PDE1A: variants seen among roughly 807,000 people sequenced by gnomAD.
PDE1A encodes the protein phosphodiesterase 1A.
In PDE1A, 35 loss-of-function variants were observed where a neutral mutation model predicts 61.7. That is an observed-to-expected ratio of 0.57 (90% CI 0.43 to 0.75). PDE1A has a LOEUF of 0.75. Among genes scored for constraint, PDE1A ranks in the 30% least tolerant of loss-of-function variants. PDE1A has a pLI of 0.00. For missense variants in PDE1A, 597 were observed against 630.6 expected, an observed-to-expected ratio of 0.95 and a Z score of 0.57; for synonymous variants, 232 against 213.2, an observed-to-expected ratio of 1.09 and a Z score of -0.77.
At chr2:182,641,352 C>A in the PDE1A span, among the ~76,000 whole-genome samples, 1 of 152,074 alleles carries the variant, frequency 6.6e-6, no homozygotes, top group African/African-American at 2.4e-5. Flanking sequence ...TATTTTCAAT[C>A]ATTAAAAACT....
intron 1 of PDE1A, among the ~76,000 whole-genome samples, chr2:182,343,121 GA>G (rs1452932072): frequency 6.7e-6 from 1 of 148,814 alleles, no homozygotes; most frequent in Admixed American, 6.8e-5. Context: ...GTTGACACCT[GA>G]ATGTTCTGCA....
In PDE1A at chr2:182,333,437, C is replaced by A. The variant is rs1352173101; in HGVS notation, c.54-69023G>T. 2.0e-5 allele frequency among the ~76,000 whole-genome samples: 3 copies of A among 152,072 alleles called. No homozygotes were observed. In the East Asian group the frequency reaches 5.8e-4, roughly 29 times the overall value. On this transcript the variant is annotated intron_variant, in intron 1 of 13. Transcript: ENST00000351439. Reference sequence around the variant, plus strand: ...CAGGATTAAAAAATTCACCCAAAACCGCACAATTACATGGAAACTGAACAA... The same window carrying A: ...CAGGATTAAAAAATTCACCCAAAACAGCACAATTACATGGAAACTGAACAA...
chr2:182,279,095 T>C (rs1225007463), intron 1 of PDE1A, among the ~76,000 whole-genome samples: 1 of 151,936 alleles, frequency 6.6e-6, no homozygotes, highest in East Asian at 1.9e-4. Flanking sequence ...AACCAAGGTA[T>C]AATGAAAATA....
the PDE1A span, among the ~76,000 whole-genome samples, chr2:182,563,701 G>T: frequency 6.6e-6 from 1 of 152,268 alleles, no homozygotes; most frequent in Non-Finnish European, 1.5e-5. Flanking sequence ...AAGTCTCTTT[G>T]TAGGTCACTC....
chr2:182,378,136 G>A (rs1383535580), intron 1 of PDE1A, among the ~76,000 whole-genome samples: 5 of 152,140 alleles, frequency 3.3e-5, no homozygotes, highest in East Asian at 1.9e-4. Flanking sequence ...GTGAGCCACC[G>A]TGCCCGGCCC....
the PDE1A span, among the ~76,000 whole-genome samples, chr2:182,618,542 A>G: frequency 5.5e-4 from 83 of 151,636 alleles, no homozygotes; most frequent in Non-Finnish European, 8.4e-4. Context: ...TACACTAAGA[A>G]TCATTGTTGA....
the PDE1A span, among the ~76,000 whole-genome samples, chr2:182,705,082 C>A: frequency 6.6e-6 from 1 of 152,258 alleles, no homozygotes; most frequent in South Asian, 2.1e-4. Flanking sequence ...AAAGTAGAAA[C>A]AAAATCAAAC....
the PDE1A span, among the ~76,000 whole-genome samples, chr2:182,612,914 C>A: frequency 6.6e-5 from 10 of 152,154 alleles, no homozygotes; most frequent in Admixed American, 2.0e-4. Flanking sequence ...CATAAGCCAC[C>A]AATCTTATTC....
chr2:182,706,197 A>T, the PDE1A span, among the ~76,000 whole-genome samples: 1 of 152,214 alleles, frequency 6.6e-6, no homozygotes, highest in Non-Finnish European at 1.5e-5. Context: ...AGAGCCTCTT[A>T]GCGGCTACTC....
rs183072780 is a variant in PDE1A, at chr2:182,191,431, A to G, written c.1126-2371T>C. On this transcript the variant is annotated intron_variant, in intron 10 of 13. Coordinates refer to ENST00000351439, the Ensembl canonical transcript of PDE1A. ...TTACTATTGATGAAATAAAATAGAA[A>G]TAAAGCTACCGATAGGCTTTTGGGA... Among the ~76,000 whole-genome samples the G allele has an allele frequency of 1.5e-3, 228 of 152,314 alleles. 2 individuals carry two copies. The highest frequency in any genetic ancestry group is 4.8e-3 in the South Asian group (23 of 4,830).
chr2:182,448,214 A>G (rs1438220842), intron 2 of PDE1A, among the ~76,000 whole-genome samples: 1 of 152,062 alleles, frequency 6.6e-6, no homozygotes, highest in African/African-American at 2.4e-5. Context: ...TTTTGATTTT[A>G]TGTCTTAAAT....
intron 1 of PDE1A, among the ~76,000 whole-genome samples, chr2:182,364,353 T>G (rs1464606229): frequency 6.6e-6 from 1 of 151,412 alleles, no homozygotes; most frequent in Non-Finnish European, 1.5e-5. Context: ...TCTTGTTGTG[T>G]GTTGTGTTGT....
the PDE1A span, among the ~76,000 whole-genome samples, chr2:182,547,949 G>A: frequency 6.6e-6 from 1 of 152,214 alleles, no homozygotes; most frequent in Admixed American, 6.5e-5. Flanking sequence ...TCGAGAAACC[G>A]AGAAGTAGGG....
At chr2:182,324,494 T>G (rs1479256689) in intron 1 of PDE1A, among the ~76,000 whole-genome samples, 7 of 152,088 alleles carry the variant, frequency 4.6e-5, no homozygotes, top group Non-Finnish European at 1.0e-4. Context: ...TATGAGAAAA[T>G]TAAAAACAGA....
At chr2:182,471,695 C>G (rs1687038646) in intron 2 of PDE1A, among the ~76,000 whole-genome samples, 1 of 151,772 alleles carries the variant, frequency 6.6e-6, no homozygotes, top group African/African-American at 2.4e-5. Flanking sequence ...AGTGTTCCAA[C>G]TCTTCAGTGA....
At chr2:182,461,983 T>A (rs1686318631) in intron 2 of PDE1A, among the ~76,000 whole-genome samples, 2 of 152,294 alleles carry the variant, frequency 1.3e-5, no homozygotes, top group East Asian at 3.9e-4. Context: ...TATCTGTTAA[T>A]CCAGCGAGAT....
chr2:182,475,685 A>AT (rs1252823695), intron 2 of PDE1A, among the ~76,000 whole-genome samples: 1 of 151,992 alleles, frequency 6.6e-6, no homozygotes, highest in Non-Finnish European at 1.5e-5. Flanking sequence ...AACATACCAG[A>AT]TTTTTTTGTC....
the PDE1A span, among the ~76,000 whole-genome samples, chr2:182,617,195 C>A: frequency 1.3e-5 from 2 of 152,130 alleles, no homozygotes; most frequent in African/African-American, 2.4e-5. Context: ...ATCAACTTGA[C>A]CTCTGAAGGG....
the PDE1A span, among the ~76,000 whole-genome samples, chr2:182,686,909 T>TTGGAGGGTCCCAC: frequency 5.5e-3 from 832 of 152,208 alleles, 8 homozygotes; most frequent in African/African-American, 0.019. Context: ...GAGGGTCCCA[T>TTGGAGGGTCCCAC]GCCCATGGAG....
Sources: allele counts gnomAD v4.1 joint callset (sites outside exome capture counted in the v4.1 genomes callset), GRCh38; gene constraint gnomAD v4.1.1; transcripts MANE v1.5; gene names NCBI Gene and HGNC (gene_info 2026-07-23, HGNC 2026-07-21).